Variants in CYP2C19 observed in about 807,000 individuals in gnomAD.
CYP2C19 encodes cytochrome P450 family 2 subfamily C member 19, also known as cytochrome P450 2C19.
In CYP2C19, 59 loss-of-function variants were observed where a neutral mutation model predicts 40.9. The ratio of observed to expected loss-of-function variants is 1.44; its 90% CI spans 1.17 to 1.79. The LOEUF is 1.79. Among genes scored for constraint, CYP2C19 ranks in the 40% most tolerant of loss-of-function variants. The pLI is 0.00. For missense variants in CYP2C19, 754 were observed against 596.9 expected (o/e 1.26, Z -2.74); for synonymous variants, 253 against 208.7 (o/e 1.21, Z -1.83).
rs570752929 is a variant in CYP2C19, at chr10:94,772,823, G to A, written c.169-2235G>A. Among the ~76,000 whole-genome samples, 41 of 152,252 alleles carry A rather than the reference G, an allele frequency of 2.7e-4. No individual in the cohort carries two copies. In the South Asian group the frequency reaches 2.7e-3, roughly 10 times the overall value. On this transcript the variant is annotated intron_variant, in intron 1 of 8. Transcript: ENST00000371321. ...GGAGTCTCGCTCTGTCGCCCAGGCCGGACTGCGGACTGCAGTGGCGCAACC... is the reference window on the plus strand; with the variant it reads ...GGAGTCTCGCTCTGTCGCCCAGGCCAGACTGCGGACTGCAGTGGCGCAACC...
At position 94,762,852 on chromosome 10, in the gene CYP2C19, T is replaced by C. The variant is rs777673347; in HGVS notation, c.147T>C (p.Asp49=). 8.7e-6 allele frequency: 14 copies of C among 1,613,822 alleles called. No individual in the cohort carries two copies. The highest frequency in any genetic ancestry group is 3.3e-5 in the Admixed American group (2 of 59,998). ...ATATCCTACAGATAGATATTAAGGATGTCAGCAAATCCTTAACCAATGTAA... is the reference window on the plus strand; with the variant it reads ...ATATCCTACAGATAGATATTAAGGACGTCAGCAAATCCTTAACCAATGTAA... ...IGNILQIDIK[D]VSKSLTNLSK... Residue 49 remains aspartate (D), a synonymous_variant, in exon 1 of 9, where the codon GAT becomes GAC. Transcript: ENST00000371321.
At chr10:94,767,986 T>C (rs1219699480) in intron 1 of CYP2C19, among the ~76,000 whole-genome samples, 3 of 152,122 alleles carry the variant, frequency 2.0e-5, no homozygotes, top group Non-Finnish European at 4.4e-5. Context: ...TCCTTCTGCC[T>C]TTTCTCCTTC....
In CYP2C19 at chr10:94,795,795, ATGT is replaced by A. The variant is rs1848676171; in HGVS notation, c.819+13799_819+13801del. Among the ~76,000 whole-genome samples the A allele has an allele frequency of 7.9e-5, 12 of 152,272 alleles. 1 individual carries two copies. Among genetic ancestry groups the A allele is most frequent in the Admixed American group, 6.5e-4 (10 of 15,304 alleles). Reference sequence around the variant, plus strand: ...TTTCATGTGTCTTTTGGCTGCATAAATGTCTTCTTTTGAGAAGTGTCTGTTCAT... The same window carrying A: ...TTTCATGTGTCTTTTGGCTGCATAAACTTCTTTTGAGAAGTGTCTGTTCAT... On this transcript the variant is annotated intron_variant, in intron 5 of 8. Transcript: ENST00000371321.
intron 1 of CYP2C19, among the ~76,000 whole-genome samples, chr10:94,771,644 C>A (rs1486770393): frequency 6.6e-6 from 1 of 152,006 alleles, no homozygotes; most frequent in Admixed American, 6.5e-5. Context: ...CCTGTTGATG[C>A]CTGATTGTCT....
intron 6 of CYP2C19, among the ~76,000 whole-genome samples, chr10:94,825,945 T>C (rs1849212534): frequency 1.3e-5 from 2 of 151,448 alleles, no homozygotes; most frequent in South Asian, 4.2e-4. Context: ...TTTTCTCAGG[T>C]TTGTCAAAGA....
At position 94,850,199 on chromosome 10, in the gene CYP2C19, T is replaced by C. The variant is rs922339472; in HGVS notation, c.1291+141T>C. On this transcript the variant is annotated intron_variant, in intron 8 of 8. Transcript: ENST00000371321. ...AGCACTGTTCTGAATGCCTGTGTTT[T>C]CTCCGCTGGTGATACATCCTCATTA... 8 of 969,042 alleles carry C rather than the reference T, an allele frequency of 8.3e-6. No homozygotes were observed. The East Asian group carries it at 2.0e-4, about 24-fold the overall frequency. 60.0% of individuals were successfully genotyped at this position (969,042 alleles called of 1,614,324 possible).
At chr10:94,832,257 T>C (rs937362390) in intron 6 of CYP2C19, among the ~76,000 whole-genome samples, 14 of 152,184 alleles carry the variant, frequency 9.2e-5, no homozygotes, top group Non-Finnish European at 2.1e-4. Flanking sequence ...AAAGGGAAGA[T>C]GTTTAATGGA....
intron 1 of CYP2C19, among the ~76,000 whole-genome samples, chr10:94,769,997 G>A (rs1394010242): frequency 6.6e-6 from 1 of 152,172 alleles, no homozygotes; most frequent in African/African-American, 2.4e-5. Flanking sequence ...AACTGAGGAG[G>A]TGGGAGAAAT....
intron 8 of CYP2C19, among the ~76,000 whole-genome samples, chr10:94,851,443 C>CAAATAAATAAAT (rs71031598): frequency 8.4e-5 from 12 of 143,086 alleles, no homozygotes; most frequent in African/African-American, 2.1e-4. Flanking sequence ...TACCAGCACA[C>CAAATAAATAAAT]AAATAAATAA....
chr10:94,827,551 C>A (rs1296946183), intron 6 of CYP2C19, among the ~76,000 whole-genome samples: 2 of 152,060 alleles, frequency 1.3e-5, no homozygotes, highest in African/African-American at 2.4e-5. Context: ...ATTCTTCTCT[C>A]TCTTTTTCTT....
intron 3 of CYP2C19, among the ~76,000 whole-genome samples, chr10:94,777,714 G>C (rs1418317435): frequency 1.3e-5 from 2 of 152,002 alleles, no homozygotes; most frequent in Non-Finnish European, 1.5e-5. Context: ...GAAAAACCCA[G>C]GTAATACCAT....
intron 7 of CYP2C19, among the ~76,000 whole-genome samples, chr10:94,848,477 G>A (rs1231219188): frequency 6.6e-6 from 1 of 152,154 alleles, no homozygotes; most frequent in African/African-American, 2.4e-5. Context: ...TTTGGTTACT[G>A]TAGCCTTGTA....
intron 5 of CYP2C19, among the ~76,000 whole-genome samples, chr10:94,818,095 G>A (rs1849040886): frequency 6.7e-6 from 1 of 148,862 alleles, no homozygotes; most frequent in Admixed American, 6.7e-5. Flanking sequence ...TCCAGTTTCA[G>A]CTTTCTACAT....
At chr10:94,800,011 A>C (rs1053001554) in intron 5 of CYP2C19, among the ~76,000 whole-genome samples, 3 of 152,136 alleles carry the variant, frequency 2.0e-5, no homozygotes, top group Non-Finnish European at 4.4e-5. Context: ...CTGTCAACTC[A>C]TCAAAGTCAT....
intron 6 of CYP2C19, among the ~76,000 whole-genome samples, chr10:94,832,455 A>G (rs1410082540): frequency 6.6e-6 from 1 of 152,186 alleles, no homozygotes; most frequent in African/African-American, 2.4e-5. Context: ...CCATGTTTCA[A>G]TTATCCCCAC....
chr10:94,824,925 T>C (rs1265877788), intron 6 of CYP2C19, among the ~76,000 whole-genome samples: 33 of 149,174 alleles, frequency 2.2e-4, no homozygotes, highest in Non-Finnish European at 4.3e-4. Context: ...TCTGTTCTTG[T>C]GATAGTTTAC....
intron 5 of CYP2C19, among the ~76,000 whole-genome samples, chr10:94,785,816 C>A (rs772722709): frequency 1.2e-4 from 19 of 152,068 alleles, no homozygotes; most frequent in Admixed American, 1.0e-3. Context: ...TTCAAAATGG[C>A]AGCTCTATCT....
intron 5 of CYP2C19, among the ~76,000 whole-genome samples, chr10:94,816,523 A>G (rs1018237256): frequency 6.6e-6 from 1 of 152,134 alleles, no homozygotes; most frequent in East Asian, 1.9e-4. Flanking sequence ...CAGTCTTTGT[A>G]CTACTTATTT....
chr10:94,821,382 A>G (rs148224931), intron 6 of CYP2C19, among the ~76,000 whole-genome samples: 112 of 152,250 alleles, frequency 7.4e-4, no homozygotes, highest in Non-Finnish European at 1.2e-3. Context: ...GAAAATGGAA[A>G]CTCTTCTTAT....
Sources: gnomAD v4.1 joint callset for allele counts (sites outside exome capture counted in the v4.1 genomes callset) on GRCh38, gnomAD v4.1.1 for gene constraint, MANE v1.5 for transcripts, NCBI Gene and HGNC (gene_info 2026-07-23, HGNC 2026-07-21) for gene names.